Variants in MDM2 observed in about 807,000 individuals in gnomAD.
MDM2 encodes MDM2 proto-oncogene, also known as E3 ubiquitin-protein ligase Mdm2.
A neutral mutation model predicts 64.3 loss-of-function variants in MDM2; 11 were observed. The observed-to-expected ratio is 0.17, with a 90% CI of 0.11 to 0.28. The LOEUF (loss-of-function observed/expected upper bound fraction) is 0.28. Ranked by LOEUF, MDM2 falls within the 10% of genes least tolerant of loss-of-function variation. The probability of loss-of-function intolerance (pLI) is 1.00; values close to 1 mark genes in which losing one functional copy is unlikely to be tolerated. For missense variants in MDM2, 388 were observed against 577.1 expected (o/e 0.67, Z 3.36); for synonymous variants, 194 against 192.9 (o/e 1.01, Z -0.05).
rs1883304983 is a variant in MDM2 at position 68,836,298 on chromosome 12, TAAA to T, written c.840+316_840+318del. The stretch of plus-strand genomic sequence containing the variant: ...AATATTAACTTACTTTCTATAAAAG[TAAA>T]ACATGCATACAGTTAAAGTCAAGTA... On this transcript the variant is annotated intron_variant, in intron 9 of 10. Coordinates refer to ENST00000258149, the MANE Select transcript of MDM2 (RefSeq NM_002392.6). Among the ~76,000 whole-genome samples the T allele has an allele frequency of 2.0e-5, 3 of 152,210 alleles. No individual in the cohort carries two copies. The South Asian group carries it at 6.2e-4, about 32-fold the overall frequency.
At chr12:68,824,043 T>C (rs1227762955) in intron 5 of MDM2, among the ~76,000 whole-genome samples, 1 of 152,304 alleles carries the variant, frequency 6.6e-6, no homozygotes, top group East Asian at 1.9e-4. Context: ...CATATTGTCC[T>C]ACAAAATATT....
At chr12:68,828,630 C>G in intron 7 of MDM2, 141 bp from the exon 8 acceptor site, 1 of 646,550 alleles carries the variant, frequency 1.5e-6, no homozygotes. Flanking sequence ...TCTGCTGTAA[C>G]AGTTGGACAG....
At chr12:68,835,343 A>G (rs3730635) in intron 8 of MDM2, among the ~76,000 whole-genome samples, 13,938 of 152,210 alleles carry the variant, frequency 0.092, 945 homozygotes, top group African/African-American at 0.19. Context: ...AAATTATTCT[A>G]GTTAGAGGGG....
At chr12:68,847,724 A>T (rs1592617329), downstream of MDM2, 1 of 152,048 alleles carries the variant, frequency 6.6e-6, no homozygotes, top group South Asian at 2.1e-4. Context: ...AAGTGCTGGG[A>T]TTACAGGCGT....
At position 68,808,510 on chromosome 12, in the gene MDM2, G is replaced by A. The variant is rs1880560223; in HGVS notation, c.14+19G>A. The A allele has an allele frequency of 6.2e-7, 1 of 1,614,088 alleles. No homozygotes were observed. The highest frequency in any genetic ancestry group is 1.1e-5 in the South Asian group (1 of 91,088). On this transcript the variant is annotated intron_variant, in intron 1 of 10. Coordinates refer to ENST00000258149, the MANE Select transcript of MDM2 (RefSeq NM_002392.6). ...GGAGCAGGTACTGGCCCGGCAGCGA[G>A]CGGTCACTTTTGGGTCTGGGCTCTG...
intron 4 of MDM2, among the ~76,000 whole-genome samples, chr12:68,819,158 T>A (rs1402159668): frequency 1.3e-5 from 2 of 152,160 alleles, no homozygotes; most frequent in Non-Finnish European, 2.9e-5. Flanking sequence ...ATATTGTGGG[T>A]TTAGGTTGCT....
chr12:68,828,341 A>G (rs1429828781), intron 7 of MDM2: 2 of 153,840 alleles, frequency 1.3e-5, no homozygotes, highest in Non-Finnish European at 2.9e-5. Context: ...TTCTGAAAGA[A>G]GAATAGAAAG....
chr12:68,833,924 C>T lies in MDM2; in HGVS notation c.685-1905C>T, dbSNP rs142833152. 5.4e-3 allele frequency among the ~76,000 whole-genome samples: 819 copies of T among 152,242 alleles called. 8 individuals carry two copies. The highest frequency in any genetic ancestry group is 0.018 in the African/African-American group (746 of 41,534). On this transcript the variant is annotated intron_variant, in intron 8 of 10. Transcript: ENST00000258149. ...TAGTGTTAATTGTATCCTAACTTGA[C>T]TTGTGATTCTAATCTGATTGGTAGT...
At chr12:68,820,253 A>T (rs2136128271) in intron 4 of MDM2, 72 bp from the exon 5 acceptor site, 1 of 1,136,802 alleles carries the variant, frequency 8.8e-7, no homozygotes, top group Non-Finnish European at 1.3e-6. Flanking sequence ...AAGTCTGGTT[A>T]GATCCAGCTT....
chr12:68,842,611 G>A lies in MDM2; in HGVS notation c.*2762G>A. On this transcript the variant is annotated 3_prime_UTR_variant, in exon 11 of 11. Transcript: ENST00000258149. ...GTTTGTAAATACAGAAGTGAAATGTGGACATAAAATAGTTACGCTATTTGG... is the reference window on the plus strand; with the variant it reads ...GTTTGTAAATACAGAAGTGAAATGTAGACATAAAATAGTTACGCTATTTGG... 3.5e-6 allele frequency: 1 copy of A among 285,826 alleles called. No homozygotes were observed. The allele number at this position is 285,826 out of a possible 1,614,324, so 17.7% of individuals were successfully genotyped here.
intron 5 of MDM2, among the ~76,000 whole-genome samples, chr12:68,823,469 A>C (rs1882041347): frequency 6.6e-6 from 1 of 152,204 alleles, no homozygotes; most frequent in African/African-American, 2.4e-5. Context: ...GGAATCTTGG[A>C]ATCATCTTAA....
chr12:68,847,166 T>C (rs1345477729), downstream of MDM2: 2 of 111,548 alleles, frequency 1.8e-5, no homozygotes, highest in Non-Finnish European at 3.6e-5. Context: ...ATATAATACA[T>C]ATGTGTTTAT....
In MDM2 at chr12:68,830,232, A is replaced by G. The variant is rs373197672; in HGVS notation, c.684+1301A>G. On this transcript the variant is annotated intron_variant, in intron 8 of 10. Transcript: ENST00000258149. ...TTCTGGGTATTAGTAATCATTGTAT[A>G]GTACTCTAGAAGATGTAGGAAGTGG... Among the ~76,000 whole-genome samples the G allele has an allele frequency of 3.3e-5, 5 of 152,312 alleles. No homozygotes were observed. In the South Asian group the frequency reaches 1.0e-3, roughly 32 times the overall value.
intron 5 of MDM2, among the ~76,000 whole-genome samples, chr12:68,821,044 CTTTTTTTT>C (rs36054804): frequency 1.9e-5 from 2 of 103,820 alleles, no homozygotes; most frequent in African/African-American, 7.6e-5. Flanking sequence ...ACACAGTTTG[CTTTTTTTT>C]TTTTTTTTTT....
At chr12:68,826,514 T>G (rs978807016) in intron 7 of MDM2, among the ~76,000 whole-genome samples, 2 of 151,704 alleles carry the variant, frequency 1.3e-5, no homozygotes, top group Non-Finnish European at 2.9e-5. Context: ...CCAGGTGTGG[T>G]GGCAGGCGCC....
chr12:68,808,589 G>A, intron 1 of MDM2, 98 bp downstream of exon 1: 3 of 1,555,578 alleles, frequency 1.9e-6, no homozygotes, highest in Admixed American at 1.8e-5. Context: ...CAGCCTTTGT[G>A]CGGTTCGTGG....
chr12:68,847,046 C>G (rs777621340), downstream of MDM2: 1 of 150,456 alleles, frequency 6.6e-6, no homozygotes, highest in African/African-American at 2.5e-5. Flanking sequence ...AGTATAGTGG[C>G]GCAAACATGA....
At chr12:68,821,725 GACAAAA>G (rs1881870889) in intron 5 of MDM2, among the ~76,000 whole-genome samples, 1 of 145,198 alleles carries the variant, frequency 6.9e-6, no homozygotes, top group Non-Finnish European at 1.5e-5. Context: ...TCTTAAAAAA[GACAAAA>G]ACAAAACAAA....
downstream of MDM2, chr12:68,846,129 A>T: frequency 6.6e-6 from 1 of 151,968 alleles, no homozygotes; most frequent in Non-Finnish European, 1.5e-5. Flanking sequence ...TTTTTTTTGT[A>T]TTTTTAGTAG....
Sources: allele counts gnomAD v4.1 joint callset (sites outside exome capture counted in the v4.1 genomes callset), GRCh38; gene constraint gnomAD v4.1.1; transcripts MANE v1.5; gene names NCBI Gene and HGNC (gene_info 2026-07-23, HGNC 2026-07-21).